LRFN5: variants seen among roughly 807,000 people sequenced by gnomAD.
LRFN5 encodes the protein leucine-rich repeat and fibronectin type-III domain-containing protein 5.
LRFN5 carries 24 observed loss-of-function variants against 45.6 expected under a neutral mutation model. The ratio of observed to expected loss-of-function variants is 0.53; its 90% CI spans 0.38 to 0.74. LRFN5 has a LOEUF of 0.74. Ranked by LOEUF, LRFN5 falls within the 30% of genes least tolerant of loss-of-function variation. LRFN5 has a pLI of 0.00. For synonymous variants in LRFN5, 340 were observed against 313.8 expected (o/e 1.08, Z -0.88); for missense variants, 776 against 861.5 (o/e 0.90, Z 1.24).
intron 1 of LRFN5, among the ~76,000 whole-genome samples, chr14:41,619,942 A>G (rs1250027745): frequency 6.6e-6 from 1 of 152,046 alleles, no homozygotes; most frequent in East Asian, 1.9e-4. Context: ...AGCACTAGCA[A>G]TTATTATTAT....
chr14:41,665,171 A>AT (rs1880839554), intron 1 of LRFN5, among the ~76,000 whole-genome samples: 1 of 151,872 alleles, frequency 6.6e-6, no homozygotes. Flanking sequence ...CAAATTTCTT[A>AT]TGCTGTCTGG....
intron 1 of LRFN5, among the ~76,000 whole-genome samples, chr14:41,650,268 A>ACACACACACAC (rs1437857911): frequency 0.062 from 8,026 of 129,170 alleles, 300 homozygotes; most frequent in Middle Eastern, 0.097. Context: ...CACACACACA[A>ACACACACACAC]AAAAAAAAAA....
At chr14:41,667,018 A>G (rs772302000) in intron 1 of LRFN5, among the ~76,000 whole-genome samples, 23 of 152,278 alleles carry the variant, frequency 1.5e-4, no homozygotes, top group Non-Finnish European at 3.1e-4. Flanking sequence ...TCACTTTTTA[A>G]AAGTCTACTT....
intron 1 of LRFN5, among the ~76,000 whole-genome samples, chr14:41,662,806 A>G (rs1292751678): frequency 1.3e-5 from 2 of 152,080 alleles, no homozygotes; most frequent in African/African-American, 4.8e-5. Flanking sequence ...TGAAAATTCC[A>G]CAACTGACTA....
chr14:41,780,935 A>G (rs575899565), intron 2 of LRFN5, among the ~76,000 whole-genome samples: 1 of 152,290 alleles, frequency 6.6e-6, no homozygotes, highest in Admixed American at 6.5e-5. Flanking sequence ...GTATCCAGAT[A>G]GTTAGCAACA....
chr14:41,754,415 A>G (rs1235018845), intron 1 of LRFN5, among the ~76,000 whole-genome samples: 2 of 152,010 alleles, frequency 1.3e-5, no homozygotes. Flanking sequence ...TTGGTTCGTA[A>G]GCTATTAATT....
intron 1 of LRFN5, among the ~76,000 whole-genome samples, chr14:41,714,038 A>G (rs1883388136): frequency 6.6e-6 from 1 of 152,214 alleles, no homozygotes; most frequent in Non-Finnish European, 1.5e-5. Flanking sequence ...AAAATGAAAC[A>G]TAACTACATG....
chr14:41,627,770 T>G (rs1440517409), intron 1 of LRFN5, among the ~76,000 whole-genome samples: 4 of 152,196 alleles, frequency 2.6e-5, no homozygotes, highest in Non-Finnish European at 5.9e-5. Flanking sequence ...CATGAGTAAT[T>G]CTTTAGTGGA....
At chr14:41,823,392 T>C (rs1222199549) in intron 2 of LRFN5, among the ~76,000 whole-genome samples, 7 of 151,286 alleles carry the variant, frequency 4.6e-5, no homozygotes, top group African/African-American at 1.5e-4. Context: ...TTTATGAAGC[T>C]TAGTTTAGAA....
Position 41,808,251 on chromosome 14 carries a change from GGAGA to G in LRFN5, c.-21+41226_-21+41229del, listed in dbSNP as rs200250302. ...GGAAGGAAGGAATTGAGGGAGGGAGGGAGAGAGGAAGGACCTATGAGATTACTTC... is the reference window on the plus strand; with the variant it reads ...GGAAGGAAGGAATTGAGGGAGGGAGGGAGGAAGGACCTATGAGATTACTTC... On this transcript the variant is annotated intron_variant, in intron 2 of 5. Coordinates refer to ENST00000298119, the MANE Select transcript of LRFN5 (RefSeq NM_152447.5). Among the ~76,000 whole-genome samples the G allele has an allele frequency of 5.3e-3, 695 of 132,068 alleles. 4 individuals are homozygous for G. Among genetic ancestry groups the G allele is most frequent in the African/African-American group, 0.019 (657 of 35,030 alleles). The allele number at this position is 132,068 out of a possible 152,430, so 86.6% of individuals were successfully genotyped here. A position where few individuals can be genotyped will look rare whatever the true frequency, so the allele number is the denominator to read the frequency against.
intron 1 of LRFN5, among the ~76,000 whole-genome samples, chr14:41,688,260 G>A (rs1362380217): frequency 6.6e-6 from 1 of 152,054 alleles, no homozygotes; most frequent in African/African-American, 2.4e-5. Context: ...GCATAATGGG[G>A]TGACTATAGT....
At chr14:41,624,387 A>G (rs1888249952) in intron 1 of LRFN5, among the ~76,000 whole-genome samples, 1 of 152,112 alleles carries the variant, frequency 6.6e-6, no homozygotes, top group African/African-American at 2.4e-5. Context: ...ATACTGTAAT[A>G]TAATATTATA....
intron 1 of LRFN5, among the ~76,000 whole-genome samples, chr14:41,640,600 C>T (rs1041363888): frequency 6.6e-6 from 1 of 152,012 alleles, no homozygotes; most frequent in African/African-American, 2.4e-5. Flanking sequence ...ATTAAATGTC[C>T]TCAGCATTCA....
chr14:41,705,289 A>C (rs1883017763), intron 1 of LRFN5, among the ~76,000 whole-genome samples: 2 of 152,200 alleles, frequency 1.3e-5, no homozygotes, highest in Admixed American at 1.3e-4. Context: ...AGTGACATAA[A>C]TACTAATGTC....
intron 1 of LRFN5, among the ~76,000 whole-genome samples, chr14:41,619,819 T>G (rs1594554738): frequency 6.6e-6 from 1 of 152,176 alleles, no homozygotes; most frequent in Middle Eastern, 3.4e-3. Context: ...TTTCCTTATC[T>G]GTAAAATGGG....
At chr14:41,790,942 T>C (rs1886898006) in intron 2 of LRFN5, among the ~76,000 whole-genome samples, 1 of 151,818 alleles carries the variant, frequency 6.6e-6, no homozygotes, top group Non-Finnish European at 1.5e-5. Flanking sequence ...ATATACTTAA[T>C]GTCTTTTTTC....
At chr14:41,759,448 TACACACACACACAC>T (rs569216156) in intron 1 of LRFN5, among the ~76,000 whole-genome samples, 3,378 of 109,698 alleles carry the variant, frequency 0.031, 146 homozygotes, top group African/African-American at 0.11. Context: ...TCTCTCTCTC[TACACACACACACAC>T]ACACACACAC....
intron 1 of LRFN5, among the ~76,000 whole-genome samples, chr14:41,674,942 A>C (rs1248584220): frequency 6.7e-6 from 1 of 150,270 alleles, no homozygotes; most frequent in African/African-American, 2.5e-5. Flanking sequence ...GGCCGGGTAG[A>C]GGCGCTCCTC....
At chr14:41,901,500 A>G (rs1428307236) in intron 5 of LRFN5, among the ~76,000 whole-genome samples, 1 of 150,866 alleles carries the variant, frequency 6.6e-6, no homozygotes, top group Admixed American at 6.6e-5. Context: ...TTATTCTGTG[A>G]TTGCTTGCAC....
Sources: allele counts gnomAD v4.1 joint callset (sites outside exome capture counted in the v4.1 genomes callset), GRCh38; gene constraint gnomAD v4.1.1; transcripts MANE v1.5; gene names NCBI Gene and HGNC (gene_info 2026-07-23, HGNC 2026-07-21).